CHAT: variants seen among roughly 807,000 people sequenced by gnomAD.
CHAT encodes the protein acetyl CoA:choline O-acetyltransferase.
Under a neutral mutation model 76.9 loss-of-function variants are expected in CHAT, and 61 were observed. That is an observed-to-expected ratio of 0.79 (90% CI 0.65 to 0.98). The LOEUF is 0.98. Ranked by LOEUF, CHAT falls within the 50% of genes least tolerant of loss-of-function variation. The pLI, the probability that CHAT is intolerant of heterozygous loss-of-function variation, is 0.00. For synonymous variants in CHAT, 407 were observed against 397.4 expected, an observed-to-expected ratio of 1.02 and a Z score of -0.29; for missense variants, 946 against 986.9, an observed-to-expected ratio of 0.96 and a Z score of 0.56.
intron 7 of CHAT, among the ~76,000 whole-genome samples, chr10:49,646,075 C>T (rs1839650682): frequency 6.6e-6 from 1 of 152,254 alleles, no homozygotes; most frequent in African/African-American, 2.4e-5. Context: ...CATAGTTCAG[C>T]ACAAACAAGC....
intron 4 of CHAT, 125 bp from the exon 5 acceptor site, chr10:49,621,972 G>GGAGGC (rs1838733607): frequency 1.0e-6 from 1 of 1,003,044 alleles, no homozygotes; most frequent in Non-Finnish European, 1.6e-6. Context: ...AGGAGGGAGG[G>GGAGGC]AGAAGGGAGG....
At chr10:49,629,489 A>T (rs1331733662) in intron 7 of CHAT, among the ~76,000 whole-genome samples, 4 of 152,336 alleles carry the variant, frequency 2.6e-5, no homozygotes, top group Middle Eastern at 6.8e-3. Flanking sequence ...GGTGTAATCA[A>T]ATCCCACTCT....
chr10:49,647,837 ATG>A (rs1381744421), intron 8 of CHAT: 4 of 151,920 alleles, frequency 2.6e-5, no homozygotes, highest in African/African-American at 9.9e-5. Flanking sequence ...ATAAGTACTA[ATG>A]TGGGGGGTGG....
chr10:49,614,764 G>C (rs922600671), intron 1 of CHAT, among the ~76,000 whole-genome samples: 1 of 152,248 alleles, frequency 6.6e-6, no homozygotes, highest in Non-Finnish European at 1.5e-5. Context: ...CGCGCTTTCT[G>C]TGTCTAGTCG....
At chr10:49,634,743 C>G (rs1839241779) in intron 7 of CHAT, among the ~76,000 whole-genome samples, 1 of 152,106 alleles carries the variant, frequency 6.6e-6, no homozygotes, top group Non-Finnish European at 1.5e-5. Context: ...GTATCTCCTG[C>G]CTTTCTCCCC....
At chr10:49,649,369 G>A (rs1590610634) in intron 9 of CHAT, 139 bp from the exon 10 acceptor site, 2 of 1,182,882 alleles carry the variant, frequency 1.7e-6, no homozygotes, top group East Asian at 4.8e-5. Flanking sequence ...TCTGCACGGT[G>A]GTTCAGGGGC....
intron 5 of CHAT, among the ~76,000 whole-genome samples, chr10:49,624,717 AAGGATGGAT>A (rs776322690): frequency 4.8e-5 from 6 of 126,248 alleles, no homozygotes; most frequent in East Asian, 2.0e-4. Flanking sequence ...GGAAGGAAGG[AAGGATGGAT>A]GGACGGATGG....
chr10:49,628,838 C>T (rs1464833356), intron 7 of CHAT, among the ~76,000 whole-genome samples: 1 of 152,278 alleles, frequency 6.6e-6, no homozygotes, highest in African/African-American at 2.4e-5. Context: ...CAGGGACACA[C>T]CCACCTTACC....
chr10:49,654,998 C>T (rs929907520), intron 11 of CHAT, 97 bp from the exon 12 acceptor site: 20 of 1,218,758 alleles, frequency 1.6e-5, no homozygotes, highest in Non-Finnish European at 2.3e-5. Flanking sequence ...CAAGTCAGGG[C>T]TGTGAAAATA....
At chr10:49,609,688 G>T (rs1309054722), upstream of CHAT, among the ~76,000 whole-genome samples, 4 of 152,154 alleles carry the variant, frequency 2.6e-5, no homozygotes, top group African/African-American at 9.6e-5. Context: ...GTGGGTCAGA[G>T]CCAGGCCAGG....
intron 7 of CHAT, among the ~76,000 whole-genome samples, chr10:49,633,305 G>A (rs1279173427): frequency 6.6e-6 from 1 of 152,216 alleles, no homozygotes. Flanking sequence ...GCCAGGCTGG[G>A]ACCTGCTTAC....
intron 3 of CHAT, 86 bp from the exon 4 acceptor site, chr10:49,620,409 T>C (rs566841324): frequency 1.1e-6 from 1 of 893,322 alleles, no homozygotes; most frequent in Non-Finnish European, 1.9e-6. Context: ...ATTAATGCTC[T>C]GGTGAAGTGT....
Position 49,655,411 on chromosome 10 carries a change from A to C in CHAT, c.1802A>C (p.Lys601Thr), listed in dbSNP as rs776260066. Reference protein sequence around the residue: ...VPASEKLLLLKDAIRAQTAYT... With the variant: ...VPASEKLLLLTDAIRAQTAYT... ...GCTTCTGAGAAGCTTCTGCTCCTGA[A>C]GGATGCCATCCGTGCCCAGACTGCA... The change falls in exon 13 of 15, where the codon AAG (lysine) becomes ACG (threonine). Residue 601 changes from lysine (K) to threonine (T), a missense_variant. This residue lies in a region of CHAT where 349 missense variants were observed against 393.9 expected (regional missense o/e 0.89). Coordinates refer to ENST00000337653, the MANE Select transcript of CHAT (RefSeq NM_020549.5). The C allele has an allele frequency of 6.2e-7, 1 of 1,614,132 alleles. No individual in the cohort carries two copies. The highest frequency in any genetic ancestry group is 8.5e-7 in the Non-Finnish European group (1 of 1,180,020).
intron 7 of CHAT, among the ~76,000 whole-genome samples, chr10:49,629,922 G>A (rs941991376): frequency 6.6e-6 from 1 of 152,228 alleles, no homozygotes; most frequent in Non-Finnish European, 1.5e-5. Flanking sequence ...ACAGGGTTGA[G>A]AGTGAAGATG....
rs1840330918 is a variant in CHAT, at chr10:49,665,898, G to C, written c.*852G>C. Among the ~76,000 whole-genome samples the C allele has an allele frequency of 6.6e-6, 1 of 152,150 alleles. No individual in the cohort carries two copies. The highest frequency in any genetic ancestry group is 2.1e-4 in the South Asian group (1 of 4,828). Reference sequence around the variant, plus strand: ...GCCCCTTCCCGGGGTCCTGCCATTTGCATTTTTTCTGCATCTTTTCCCCTC... The same window carrying C: ...GCCCCTTCCCGGGGTCCTGCCATTTCCATTTTTTCTGCATCTTTTCCCCTC... On this transcript the variant is annotated 3_prime_UTR_variant, in exon 15 of 15. Coordinates refer to ENST00000337653, the MANE Select transcript of CHAT (RefSeq NM_020549.5).
At chr10:49,615,427 C>G (rs1838454137) in intron 1 of CHAT, among the ~76,000 whole-genome samples, 1 of 152,194 alleles carries the variant, frequency 6.6e-6, no homozygotes, top group Admixed American at 6.5e-5. Context: ...CACTGCAAGG[C>G]AGCCCCAGGC....
chr10:49,663,379 G>A (rs764820467), intron 14 of CHAT, among the ~76,000 whole-genome samples: 8 of 152,166 alleles, frequency 5.3e-5, no homozygotes, highest in Non-Finnish European at 8.8e-5. Flanking sequence ...CTATTGCCGC[G>A]GTTTCCACGG....
rs551019325 is a variant in CHAT, at chr10:49,619,714, C to T, written c.388-11C>T. 3 of 1,608,416 alleles carry T rather than the reference C, an allele frequency of 1.9e-6. No individual in the cohort carries two copies. Among genetic ancestry groups the T allele is most frequent in the Non-Finnish European group, 2.5e-6 (3 of 1,179,870 alleles). On this transcript the variant is annotated splice_polypyrimidine_tract_variant and intron_variant, in intron 2 of 14. Coordinates refer to ENST00000337653, the MANE Select transcript of CHAT (RefSeq NM_020549.5). ...ACTAGAGGCACAATGCCTATGAACC[C>T]TTTCTTCCAGGGGCTGCCCAAACTG...
At chr10:49,658,014 G>A (rs767862544) in intron 13 of CHAT, among the ~76,000 whole-genome samples, 9 of 152,130 alleles carry the variant, frequency 5.9e-5, no homozygotes, top group South Asian at 2.1e-4. Flanking sequence ...TAGATCCTCC[G>A]ACATTGAGGA....
Sources: gnomAD v4.1 joint callset for allele counts (sites outside exome capture counted in the v4.1 genomes callset) on GRCh38, gnomAD v4.1.1 for gene constraint, gnomAD v4.1.1 regional missense constraint, MANE v1.5 for transcripts, NCBI Gene and HGNC (gene_info 2026-07-23, HGNC 2026-07-21) for gene names.